Variants in AZI2 observed in about 807,000 individuals in gnomAD.
AZI2 encodes 5-azacytidine-induced protein 2.
A neutral mutation model predicts 45.8 loss-of-function variants in AZI2; 22 were observed. The ratio of observed to expected loss-of-function variants is 0.48; its 90% CI spans 0.34 to 0.69. The LOEUF (loss-of-function observed/expected upper bound fraction) is 0.69. Among genes scored for constraint, AZI2 ranks in the 30% least tolerant of loss-of-function variants. AZI2 has a pLI of 0.01. For synonymous variants in AZI2, 137 were observed against 156.7 expected (o/e 0.87, Z 0.94); for missense variants, 417 against 441.5 (o/e 0.94, Z 0.50).
At chr3:28,331,648 T>C in intron 6 of AZI2, 1 of 1,237,598 alleles carries the variant, frequency 8.1e-7, no homozygotes, top group Non-Finnish European at 1.0e-6. Context: ...ATTATTTACT[T>C]AGGTCAGTAA....
rs1577115108 is a variant in AZI2, at chr3:28,322,442, T to C, written c.*1600A>G. Reference sequence around the variant, plus strand: ...ATCAAGCAATTATCTCATAAGACTTTTTTTCTTTACAAAGGAAAATTTCCA... The same window carrying C: ...ATCAAGCAATTATCTCATAAGACTTCTTTTCTTTACAAAGGAAAATTTCCA... On this transcript the variant is annotated 3_prime_UTR_variant, in exon 8 of 8. Coordinates refer to ENST00000479665, the MANE Select transcript of AZI2 (RefSeq NM_022461.5). 6.6e-6 allele frequency: 1 copy of C among 151,676 alleles called. No homozygotes were observed. 9.4% of individuals were successfully genotyped at this position (151,676 alleles called of 1,614,324 possible). A position where few individuals can be genotyped will look rare whatever the true frequency, so the allele number is the denominator to read the frequency against.
In AZI2 at chr3:28,321,394, A is replaced by C. The variant is rs1482922192; in HGVS notation, c.*2648T>G. On this transcript the variant is annotated 3_prime_UTR_variant, in exon 8 of 8. Coordinates refer to ENST00000479665, the MANE Select transcript of AZI2 (RefSeq NM_022461.5). ...TCATGTAGAAAATTCACTTATGTAC[A>C]TGTTGCTTTCCCCATAGAAGCCAGA... 1 of 151,448 alleles carries C rather than the reference A, an allele frequency of 6.6e-6. No individual in the cohort carries two copies. Among genetic ancestry groups the C allele is most frequent in the Non-Finnish European group, 1.5e-5 (1 of 67,572 alleles). 9.4% of individuals were successfully genotyped at this position (151,448 alleles called of 1,614,324 possible).
intron 5 of AZI2, among the ~76,000 whole-genome samples, 187 bp downstream of exon 5, chr3:28,336,550 T>C (rs763018037): frequency 1.3e-5 from 2 of 152,080 alleles, no homozygotes; most frequent in Non-Finnish European, 2.9e-5. Context: ...ACTAAAAGTA[T>C]ATGGCATGTC....
In AZI2 at chr3:28,336,875, A is replaced by G; in HGVS notation, c.450T>C (p.Asn150=). Residue 150 remains asparagine (N), a synonymous_variant, in exon 5 of 8, where the codon AAT becomes AAC. Coordinates refer to ENST00000479665, the MANE Select transcript of AZI2 (RefSeq NM_022461.5). ...TEVETQQVMR[N]LNPPSSNWEV... ...CCCAGTTTGATGAAGGTGGATTTAA[A>G]TTCCTCATCACTACAAAAAGGATGG... The G allele has an allele frequency of 6.2e-7, 1 of 1,612,928 alleles. No individual in the cohort carries two copies. Among genetic ancestry groups the G allele is most frequent in the Non-Finnish European group, 8.5e-7 (1 of 1,179,416 alleles).
intron 1 of AZI2, among the ~76,000 whole-genome samples, chr3:28,346,686 C>T (rs1236951906): frequency 3.9e-5 from 6 of 152,136 alleles, no homozygotes; most frequent in Non-Finnish European, 1.5e-5. Flanking sequence ...GAACCTATTT[C>T]GTACAATCAG....
chr3:28,322,719 A>G lies in AZI2; in HGVS notation c.*1323T>C, dbSNP rs369361773. 1.3e-5 allele frequency: 2 copies of G among 151,714 alleles called. No homozygotes were observed. Among genetic ancestry groups the G allele is most frequent in the East Asian group, 1.9e-4 (1 of 5,140 alleles). The allele number at this position is 151,714 out of a possible 1,614,324, so 9.4% of individuals were successfully genotyped here. The stretch of plus-strand genomic sequence containing the variant: ...GAATAAATTCCAGCATCTGACACCA[A>G]TTCCATTAATCACAGACAAGCTTGA... On this transcript the variant is annotated 3_prime_UTR_variant, in exon 8 of 8. Coordinates refer to ENST00000479665, the MANE Select transcript of AZI2 (RefSeq NM_022461.5).
intron 5 of AZI2, among the ~76,000 whole-genome samples, chr3:28,334,784 C>T (rs1469737411): frequency 1.3e-5 from 2 of 151,946 alleles, no homozygotes; most frequent in Non-Finnish European, 2.9e-5. Flanking sequence ...TTTCAATACA[C>T]ATAAATACCT....
chr3:28,345,549 T>C (rs1468662352), intron 1 of AZI2, among the ~76,000 whole-genome samples: 1 of 152,080 alleles, frequency 6.6e-6, no homozygotes, highest in Non-Finnish European at 1.5e-5. Context: ...AGGTAAACAC[T>C]ATTGACAATT....
At position 28,323,643 on chromosome 3, in the gene AZI2, A is replaced by G. The variant is rs1233934584; in HGVS notation, c.*399T>C. ...ACATTGCCATTTGTTCCATTATGCA[A>G]TTTGAAGAAACATGTTTTCCTTTTA... On this transcript the variant is annotated 3_prime_UTR_variant, in exon 8 of 8. Transcript: ENST00000479665. The G allele has an allele frequency of 1.3e-5, 2 of 155,766 alleles. No homozygotes were observed. The highest frequency in any genetic ancestry group is 4.8e-5 in the African/African-American group (2 of 41,428). The allele number at this position is 155,766 out of a possible 1,614,324, so 9.6% of individuals were successfully genotyped here.
At chr3:28,337,341 AG>A (rs1239815721) in intron 4 of AZI2, among the ~76,000 whole-genome samples, 3 of 150,904 alleles carry the variant, frequency 2.0e-5, no homozygotes, top group Admixed American at 2.0e-4. Context: ...TTCTTTAATT[AG>A]CACCTCAGTC....
At chr3:28,330,136 A>G (rs1170009339) in intron 6 of AZI2, among the ~76,000 whole-genome samples, 2 of 151,254 alleles carry the variant, frequency 1.3e-5, no homozygotes, top group African/African-American at 4.8e-5. Context: ...TTAAAAACTG[A>G]AGCCATCAAC....
rs1386958908 is a variant in AZI2, at chr3:28,324,377, A to G, written c.844T>C (p.Tyr282His). 4 of 1,571,846 alleles carry G rather than the reference A, an allele frequency of 2.5e-6. No individual in the cohort carries two copies. The South Asian group carries it at 3.5e-5, about 14-fold the overall frequency. The change falls in exon 8 of 8, where the codon TAC (tyrosine) becomes CAC (histidine). Residue 282 changes from tyrosine to histidine, a missense_variant. Tyr to His is a moderately conservative substitution (Grantham distance 83). Coordinates refer to ENST00000479665, the MANE Select transcript of AZI2 (RefSeq NM_022461.5). ...GGTAAGAGAGGGGGATGTCTTGTGT[A>G]TGTTGCAGTAAAATTCATCAAGTGC... is the stretch of plus-strand genomic sequence containing the variant. ...KLHLMNFTAT[Y>H]TRHPPLLPNG...
chr3:28,324,478 TGTCA>T (rs1288292482), intron 7 of AZI2, 24 bp from the exon 8 acceptor site: 1 of 1,435,676 alleles, frequency 7.0e-7, no homozygotes. Context: ...ACAGACTAAA[TGTCA>T]GTTTTCATTA....
At position 28,321,389 on chromosome 3, in the gene AZI2, T is replaced by C. The variant is rs149403307; in HGVS notation, c.*2653A>G. The C allele has an allele frequency of 7.3e-5, 11 of 151,610 alleles. No homozygotes were observed. The highest frequency in any genetic ancestry group is 1.3e-4 in the Non-Finnish European group (9 of 67,578). The allele number at this position is 151,610 out of a possible 1,614,324, so 9.4% of individuals were successfully genotyped here. ...CCACTTCATGTAGAAAATTCACTTATGTACATGTTGCTTTCCCCATAGAAG... is the reference window on the plus strand; with the variant it reads ...CCACTTCATGTAGAAAATTCACTTACGTACATGTTGCTTTCCCCATAGAAG... On this transcript the variant is annotated 3_prime_UTR_variant, in exon 8 of 8. Coordinates refer to ENST00000479665, the MANE Select transcript of AZI2 (RefSeq NM_022461.5).
chr3:28,335,439 T>C (rs748884194), intron 5 of AZI2, among the ~76,000 whole-genome samples: 3 of 151,938 alleles, frequency 2.0e-5, no homozygotes, highest in Non-Finnish European at 4.4e-5. Context: ...TTTGAAGGAA[T>C]TGTGGTGTGT....
At position 28,323,241 on chromosome 3, in the gene AZI2, C is replaced by T. The variant is rs1187640701; in HGVS notation, c.*801G>A. 6.6e-6 allele frequency: 1 copy of T among 151,140 alleles called. No individual in the cohort carries two copies. Among genetic ancestry groups the T allele is most frequent in the Non-Finnish European group, 1.5e-5 (1 of 67,332 alleles). 9.4% of individuals were successfully genotyped at this position (151,140 alleles called of 1,614,324 possible). A position where few individuals can be genotyped will look rare whatever the true frequency, so the allele number is the denominator to read the frequency against. On this transcript the variant is annotated 3_prime_UTR_variant, in exon 8 of 8. Transcript: ENST00000479665. The stretch of plus-strand genomic sequence containing the variant: ...ACACACATTTATGTTTATATTATGG[C>T]CCACAGAAGGGCAGATTAGACTGAA...
In AZI2 at chr3:28,324,385, G is replaced by A; in HGVS notation, c.836C>T (p.Thr279Ile). 6.4e-7 allele frequency: 1 copy of A among 1,562,986 alleles called. No individual in the cohort carries two copies. The highest frequency in any genetic ancestry group is 8.7e-7 in the Non-Finnish European group (1 of 1,154,230). Residue 279 changes from threonine to isoleucine, a missense_variant, in exon 8 of 8, where the codon ACT becomes ATT. Transcript: ENST00000479665. Reference sequence around the variant, plus strand: ...AGGGGGATGTCTTGTGTATGTTGCAGTAAAATTCATCAAGTGCAGTTTTGT... The same window carrying A: ...AGGGGGATGTCTTGTGTATGTTGCAATAAAATTCATCAAGTGCAGTTTTGT... The part of the protein sequence containing the change: ...DSTKLHLMNF[T>I]ATYTRHPPLL...
At position 28,338,625 on chromosome 3, in the gene AZI2, T is replaced by A. The variant is rs754137225; in HGVS notation, c.217-10A>T. ...CAAATCGAGCTATTAGCTAACGGTATGAAATTAGAAGAGAAAGCTTAAGAG... is the reference window on the plus strand; with the variant it reads ...CAAATCGAGCTATTAGCTAACGGTAAGAAATTAGAAGAGAAAGCTTAAGAG... On this transcript the variant is annotated splice_polypyrimidine_tract_variant and intron_variant, in intron 2 of 7. Transcript: ENST00000479665. 3.1e-6 allele frequency: 5 copies of A among 1,605,638 alleles called. No individual in the cohort carries two copies. Among genetic ancestry groups the A allele is most frequent in the Non-Finnish European group, 3.4e-6 (4 of 1,176,092 alleles).
Position 28,326,950 on chromosome 3 carries a change from A to C in AZI2, c.648T>G (p.Ser216Arg). The C allele has an allele frequency of 6.3e-7, 1 of 1,595,248 alleles. No individual in the cohort carries two copies. The highest frequency in any genetic ancestry group is 1.4e-5 in the African/African-American group (1 of 74,028). The stretch of plus-strand genomic sequence containing the variant: ...CCCAGTATGCATGCTGCATATTATC[A>C]CTGAAATAAATTTTTTTACAAAAAG... ...SRDLQKLSISSDNMQHAYWEL... is the reference protein window; with the variant it reads ...SRDLQKLSISRDNMQHAYWEL... Residue 216 changes from serine (S) to arginine (R), a missense_variant and splice_region_variant, in exon 7 of 8, where the codon AGT becomes AGG. Physicochemically the swap from Ser to Arg is moderately radical, Grantham distance 110. Coordinates refer to ENST00000479665, the MANE Select transcript of AZI2 (RefSeq NM_022461.5).
Sources: gnomAD v4.1 joint callset for allele counts (sites outside exome capture counted in the v4.1 genomes callset) on GRCh38, gnomAD v4.1.1 for gene constraint, MANE v1.5 for transcripts, NCBI Gene and HGNC (gene_info 2026-07-23, HGNC 2026-07-21) for gene names.